DCHS2: variants seen among roughly 807,000 people sequenced by gnomAD.
The protein encoded by DCHS2 is dachsous cadherin-related 2.
Under a neutral mutation model 182.4 loss-of-function variants are expected in DCHS2, and 142 were observed. That is an observed-to-expected ratio of 0.78 (90% CI 0.68 to 0.89). The LOEUF (loss-of-function observed/expected upper bound fraction) is 0.89. DCHS2 is among the 40% of genes least tolerant of loss of function. The pLI is 0.00. For synonymous variants in DCHS2, 1,740 were observed against 1,663.3 expected, an observed-to-expected ratio of 1.05 and a Z score of -1.12; for missense variants, 4,319 against 4,198.6, an observed-to-expected ratio of 1.03 and a Z score of -0.79.
chr4:154,288,754 AAATC>A (rs148307004), intron 13 of DCHS2, among the ~76,000 whole-genome samples: 2,923 of 152,278 alleles, frequency 0.019, 31 homozygotes, highest in Middle Eastern at 0.037. Flanking sequence ...ATAAAACTAG[AAATC>A]AATAACAAAA....
Position 154,235,050 on chromosome 4 carries a change from C to T in DCHS2, c.9602G>A (p.Arg3201Lys). The stretch of plus-strand genomic sequence containing the variant: ...ACCTGAAATAAAGACAGACTCTTTT[C>T]TAACGTCAGCCAGGATGCTCTCTTT... ...EAKESILADVRKESVFISGDQ... is the reference protein window; with the variant it reads ...EAKESILADVKKESVFISGDQ... Residue 3201 changes from arginine to lysine, a missense_variant, in exon 20 of 20, where the codon AGA becomes AAA. Arg to Lys is a conservative substitution (Grantham distance 26, BLOSUM62 2). Transcript: ENST00000357232. The T allele has an allele frequency of 6.2e-7, 1 of 1,613,984 alleles. No individual in the cohort carries two copies. Among genetic ancestry groups the T allele is most frequent in the South Asian group, 1.1e-5 (1 of 91,082 alleles).
chr4:154,356,837 C>T (rs1729894419), intron 3 of DCHS2, among the ~76,000 whole-genome samples: 1 of 152,098 alleles, frequency 6.6e-6, no homozygotes, highest in Admixed American at 6.6e-5. Flanking sequence ...AATGTATCCC[C>T]ATCTTTGAGC....
chr4:154,237,440 T>A, intron 19 of DCHS2: 1 of 287,016 alleles, frequency 3.5e-6, no homozygotes, highest in Non-Finnish European at 6.2e-6. Context: ...TGTTTTTGTA[T>A]AGTAAGTTGT....
chr4:154,461,133 C>T (rs954129628), intron 1 of DCHS2, among the ~76,000 whole-genome samples: 2 of 152,184 alleles, frequency 1.3e-5, no homozygotes, highest in Admixed American at 1.3e-4. Flanking sequence ...AGGCACAGCC[C>T]TTTCCAATCC....
intron 1 of DCHS2, among the ~76,000 whole-genome samples, chr4:154,435,322 C>T (rs1025316967): frequency 6.6e-6 from 1 of 152,064 alleles, no homozygotes; most frequent in South Asian, 2.1e-4. Flanking sequence ...TATGGCTGGG[C>T]GCGGTGGCTC....
intron 7 of DCHS2, among the ~76,000 whole-genome samples, chr4:154,323,672 G>A (rs1159323137): frequency 3.3e-5 from 5 of 152,140 alleles, no homozygotes; most frequent in Admixed American, 3.3e-4. Context: ...CTCTACGCCT[G>A]ATTCATCTGA....
chr4:154,450,378 T>A (rs1734483487), intron 1 of DCHS2, among the ~76,000 whole-genome samples: 1 of 152,164 alleles, frequency 6.6e-6, no homozygotes, highest in South Asian at 2.1e-4. Flanking sequence ...CCAAAAGACA[T>A]GCTCACATCA....
chr4:154,323,239 C>G (rs1449596847), intron 7 of DCHS2: 28 of 1,521,386 alleles, frequency 1.8e-5, no homozygotes, highest in Non-Finnish European at 2.3e-5. Context: ...TGACCAGATT[C>G]AGGTCAGGAT....
intron 1 of DCHS2, among the ~76,000 whole-genome samples, chr4:154,384,839 G>C (rs185769468): frequency 9.9e-5 from 15 of 152,244 alleles, no homozygotes; most frequent in Admixed American, 8.5e-4. Flanking sequence ...GCACAGCCCT[G>C]CTGGATTGCA....
chr4:154,257,130 C>G (rs1222317487), intron 15 of DCHS2, among the ~76,000 whole-genome samples: 2 of 152,216 alleles, frequency 1.3e-5, no homozygotes, highest in Non-Finnish European at 2.9e-5. Context: ...CGCCCATAGT[C>G]CCAGCTACTC....
Position 154,485,113 on chromosome 4 carries a change from T to TTA in DCHS2, c.2052+4190_2052+4191insTA, listed in dbSNP as rs112484560. 7.2e-4 allele frequency among the ~76,000 whole-genome samples: 109 copies of TTA among 151,628 alleles called. No individual in the cohort carries two copies. The Middle Eastern group carries it at 0.01, about 14-fold the overall frequency. On this transcript the variant is annotated intron_variant, in intron 1 of 19. Transcript: ENST00000357232. ...ATGTGGTGTTATGAGCTTTTTTTTTTAAATGAACTTCTGGGAATATACAGG... is the reference window on the plus strand; with the variant it reads ...ATGTGGTGTTATGAGCTTTTTTTTTTTAAAATGAACTTCTGGGAATATACAGG...
At chr4:154,426,075 A>C (rs1457564708) in intron 1 of DCHS2, among the ~76,000 whole-genome samples, 2 of 151,944 alleles carry the variant, frequency 1.3e-5, no homozygotes, top group Admixed American at 6.6e-5. Flanking sequence ...CTCAGGATTA[A>C]TGTGCAGCCT....
At position 154,329,510 on chromosome 4, in the gene DCHS2, T is replaced by C; in HGVS notation, c.3918+13A>G. On this transcript the variant is annotated intron_variant, in intron 6 of 19. Transcript: ENST00000357232. The stretch of plus-strand genomic sequence containing the variant: ...AAGATATTACAAATTCATTGCAAGG[T>C]TTCTTCACAAACCTTCACGTGTAAC... 6.2e-7 allele frequency: 1 copy of C among 1,608,868 alleles called. No individual in the cohort carries two copies. Among genetic ancestry groups the C allele is most frequent in the Non-Finnish European group, 8.5e-7 (1 of 1,176,182 alleles).
intron 1 of DCHS2, among the ~76,000 whole-genome samples, chr4:154,378,470 A>G (rs1245901840): frequency 1.5e-5 from 2 of 135,952 alleles, no homozygotes; most frequent in African/African-American, 2.6e-5. Flanking sequence ...GGGAGGAAGG[A>G]AGGAAAGAAG....
intron 7 of DCHS2, chr4:154,323,434 A>G (rs746299893): frequency 2.3e-5 from 34 of 1,469,300 alleles, no homozygotes; most frequent in Non-Finnish European, 2.9e-5. Context: ...GTCGCAAGCT[A>G]TCCTCACACC....
At position 154,234,721 on chromosome 4, in the gene DCHS2, A is replaced by T. The variant is rs749621785; in HGVS notation, c.9931T>A (p.Ser3311Thr). Reference sequence around the variant, plus strand: ...GAACCAAGATGGTAGGGGATGGGAGAGCGTGGGTGTTTCGGAGGCACCTGC... The same window carrying T: ...GAACCAAGATGGTAGGGGATGGGAGTGCGTGGGTGTTTCGGAGGCACCTGC... ...LGQVPPKHPR[S>T]PIPYHLGSLP... The change falls in exon 20 of 20, where the codon TCT (serine) becomes ACT (threonine). Residue 3311 changes from serine to threonine, a missense_variant. Physicochemically the swap from Ser to Thr is moderately conservative, Grantham distance 58. Coordinates refer to ENST00000357232, the MANE Select transcript of DCHS2 (RefSeq NM_001358235.2). 1.2e-6 allele frequency: 2 copies of T among 1,613,620 alleles called. No homozygotes were observed. Among genetic ancestry groups the T allele is most frequent in the Non-Finnish European group, 1.7e-6 (2 of 1,179,864 alleles).
chr4:154,391,023 T>A, intron 1 of DCHS2: 1 of 666,306 alleles, frequency 1.5e-6, no homozygotes, highest in Admixed American at 3.1e-5. Context: ...CATGAGAGGA[T>A]CCTAGCTAAG....
At chr4:154,436,241 G>T (rs1733772239) in intron 1 of DCHS2, among the ~76,000 whole-genome samples, 1 of 152,002 alleles carries the variant, frequency 6.6e-6, no homozygotes, top group Admixed American at 6.6e-5. Context: ...AAATTGTATT[G>T]GTCCTTTGTG....
intron 1 of DCHS2, among the ~76,000 whole-genome samples, chr4:154,466,271 A>G (rs1280240744): frequency 6.6e-6 from 1 of 152,198 alleles, no homozygotes; most frequent in Non-Finnish European, 1.5e-5. Flanking sequence ...AGAGGCTGAG[A>G]GAAGACAGAA....
Sources: allele counts gnomAD v4.1 joint callset (sites outside exome capture counted in the v4.1 genomes callset), GRCh38; gene constraint gnomAD v4.1.1; transcripts MANE v1.5; gene names NCBI Gene and HGNC (gene_info 2026-07-23, HGNC 2026-07-21).